The following TNFRSF19 variants were observed in gnomAD, a reference collection of about 807,000 sequenced individuals.
The protein encoded by TNFRSF19 is tumor necrosis factor receptor superfamily member 19.
In TNFRSF19, 27 loss-of-function variants were observed where a neutral mutation model predicts 46.4. The ratio of observed to expected loss-of-function variants is 0.58; its 90% CI spans 0.43 to 0.80. The LOEUF is 0.80. TNFRSF19 is among the 30% of genes least tolerant of loss of function. The probability of loss-of-function intolerance (pLI) is 0.00; values close to 1 mark genes in which losing one functional copy is unlikely to be tolerated. For missense variants in TNFRSF19, 511 were observed against 530.8 expected (o/e 0.96, Z 0.37); for synonymous variants, 204 against 205.0 (o/e 1.00, Z 0.04).
chr13:23,616,062 C>T lies in TNFRSF19; in HGVS notation c.359+17C>T, dbSNP rs1305943007. On this transcript the variant is annotated intron_variant, in intron 4 of 9. Transcript: ENST00000248484. ...CTTGCCAGGGTGAGTTGGCCAGTTT[C>T]TTTCACTTGTAATTATTTAATTAAG... is the stretch of plus-strand genomic sequence containing the variant. 1.3e-6 allele frequency: 2 copies of T among 1,570,374 alleles called. No individual in the cohort carries two copies. The highest frequency in any genetic ancestry group is 1.2e-5 in the South Asian group (1 of 86,406).
chr13:23,602,059 G>T (rs1236099974), intron 3 of TNFRSF19, among the ~76,000 whole-genome samples: 1 of 152,092 alleles, frequency 6.6e-6, no homozygotes, highest in Non-Finnish European at 1.5e-5. Flanking sequence ...GTGATCTGAT[G>T]TACCAATTTA....
intron 1 of TNFRSF19, among the ~76,000 whole-genome samples, chr13:23,571,342 T>C (rs1344565199): frequency 6.6e-6 from 1 of 152,238 alleles, no homozygotes; most frequent in Admixed American, 6.5e-5. Context: ...TGTAAATCTA[T>C]CAAATACACT....
At chr13:23,628,888 C>T (rs6490812) in intron 5 of TNFRSF19, among the ~76,000 whole-genome samples, 40,627 of 151,964 alleles carry the variant, frequency 0.27, 5,951 homozygotes, top group South Asian at 0.38. Context: ...CAGCTGATAG[C>T]CTTTCAAATA....
intron 5 of TNFRSF19, among the ~76,000 whole-genome samples, chr13:23,647,608 A>G (rs1453122151): frequency 6.6e-6 from 1 of 152,222 alleles, no homozygotes; most frequent in East Asian, 1.9e-4. Flanking sequence ...AATGTTGCCC[A>G]GGCTAGTCTC....
Position 23,673,644 on chromosome 13 carries a change from C to A in TNFRSF19, c.*264C>A. On this transcript the variant is annotated 3_prime_UTR_variant, in exon 10 of 10. Coordinates refer to ENST00000248484, the MANE Select transcript of TNFRSF19 (RefSeq NM_148957.4). ...TTTCCTACATGAGAAGCTTCTCTGC[C>A]ACAAAAGTGACTTCAAAGACGGATG... is the stretch of plus-strand genomic sequence containing the variant. 4 of 1,046,948 alleles carry A rather than the reference C, an allele frequency of 3.8e-6. No homozygotes were observed. Among genetic ancestry groups the A allele is most frequent in the Non-Finnish European group, 3.6e-6 (3 of 825,148 alleles). The allele number at this position is 1,046,948 out of a possible 1,614,324, so 64.9% of individuals were successfully genotyped here.
intron 3 of TNFRSF19, among the ~76,000 whole-genome samples, chr13:23,599,273 A>G (rs1009772313): frequency 5.9e-5 from 9 of 152,238 alleles, no homozygotes; most frequent in Non-Finnish European, 1.0e-4. Context: ...CAGTGAACAA[A>G]GTATTTAAAA....
chr13:23,593,270 A>T, intron 2 of TNFRSF19, 75 bp from the exon 3 acceptor site: 1 of 830,630 alleles, frequency 1.2e-6, no homozygotes, highest in South Asian at 1.8e-5. Context: ...TAATATTGAA[A>T]ATATTGTTCC....
chr13:23,581,787 C>T (rs1254082108), intron 1 of TNFRSF19, among the ~76,000 whole-genome samples: 1 of 152,170 alleles, frequency 6.6e-6, no homozygotes, highest in Non-Finnish European at 1.5e-5. Flanking sequence ...ACTCAATCCC[C>T]TGTGGCCAAT....
intron 5 of TNFRSF19, among the ~76,000 whole-genome samples, chr13:23,629,278 G>C (rs572982133): frequency 6.6e-6 from 1 of 152,214 alleles, no homozygotes; most frequent in South Asian, 2.1e-4. Context: ...GGAACCAGGA[G>C]TAGCCCTCCC....
chr13:23,634,427 A>G (rs1882551273), intron 5 of TNFRSF19, among the ~76,000 whole-genome samples: 1 of 152,224 alleles, frequency 6.6e-6, no homozygotes, highest in Non-Finnish European at 1.5e-5. Flanking sequence ...TTTACTCACA[A>G]TCAACAGGTT....
At chr13:23,632,490 T>C (rs942856838) in intron 5 of TNFRSF19, among the ~76,000 whole-genome samples, 2 of 152,208 alleles carry the variant, frequency 1.3e-5, no homozygotes, top group Non-Finnish European at 2.9e-5. Context: ...ATTCCCTCCA[T>C]TGTTCACCCA....
intron 9 of TNFRSF19, chr13:23,669,354 C>A (rs1951714919): frequency 8.0e-7 from 1 of 1,249,310 alleles, no homozygotes; most frequent in South Asian, 2.7e-5. Flanking sequence ...TAGCACAGCA[C>A]CTGCTGCCTC....
chr13:23,592,579 G>T (rs1879394181), intron 2 of TNFRSF19, among the ~76,000 whole-genome samples: 1 of 152,136 alleles, frequency 6.6e-6, no homozygotes, highest in Non-Finnish European at 1.5e-5. Context: ...TAGGTCCCAG[G>T]CAGTGGCTCA....
At chr13:23,647,762 G>T (rs1336310555) in intron 5 of TNFRSF19, among the ~76,000 whole-genome samples, 1 of 152,116 alleles carries the variant, frequency 6.6e-6, no homozygotes, top group Non-Finnish European at 1.5e-5. Flanking sequence ...TTTAAATATG[G>T]TGTGAAGTAG....
At chr13:23,662,553 A>T (rs939274463) in intron 7 of TNFRSF19, among the ~76,000 whole-genome samples, 1 of 152,174 alleles carries the variant, frequency 6.6e-6, no homozygotes, top group Non-Finnish European at 1.5e-5. Flanking sequence ...GGTTTTTCCT[A>T]GTTCTGTGAA....
chr13:23,591,588 G>A (rs1035944619), intron 2 of TNFRSF19, among the ~76,000 whole-genome samples: 4 of 152,106 alleles, frequency 2.6e-5, no homozygotes, highest in African/African-American at 7.2e-5. Context: ...GGAAGGTTGT[G>A]TAATTTCTTT....
chr13:23,597,992 A>T (rs1057296078), intron 3 of TNFRSF19, among the ~76,000 whole-genome samples: 5 of 152,246 alleles, frequency 3.3e-5, no homozygotes, highest in Non-Finnish European at 7.3e-5. Flanking sequence ...ACCAATGACA[A>T]AAACCACATG....
In TNFRSF19 at chr13:23,593,400, G is replaced by T. The variant is rs200993556; in HGVS notation, c.125G>T (p.Arg42Leu). 26 of 1,601,222 alleles carry T rather than the reference G, an allele frequency of 1.6e-5. No homozygotes were observed. The highest frequency in any genetic ancestry group is 1.6e-4 in the Middle Eastern group (1 of 6,064). Residue 42 changes from arginine to leucine, a missense_variant, in exon 3 of 10, where the codon CGG becomes CTG. Coordinates refer to ENST00000248484, the MANE Select transcript of TNFRSF19 (RefSeq NM_148957.4). The part of the protein sequence containing the change: ...GDCRQQEFRD[R>L]SGNCVPCNQC... ...TGTAGACAGCAAGAATTCAGGGATC[G>T]GTCTGGAAACTGTGTTCCCTGCAAC...
At chr13:23,623,172 T>A (rs191803668) in intron 4 of TNFRSF19, among the ~76,000 whole-genome samples, 1 of 152,342 alleles carries the variant, frequency 6.6e-6, no homozygotes, top group Admixed American at 6.5e-5. Flanking sequence ...ATTTGACTAC[T>A]CTTAAGTACC....
Sources: gnomAD v4.1 joint callset for allele counts (sites outside exome capture counted in the v4.1 genomes callset) on GRCh38, gnomAD v4.1.1 for gene constraint, MANE v1.5 for transcripts, NCBI Gene and HGNC (gene_info 2026-07-23, HGNC 2026-07-21) for gene names.